Variants in XKR9 observed in about 807,000 individuals in gnomAD.
XKR9 encodes XK related 9.
A neutral mutation model predicts 32.0 loss-of-function variants in XKR9; 32 were observed. The observed-to-expected ratio is 1.00, with a 90% CI of 0.76 to 1.34. The LOEUF is 1.34. Ranked by LOEUF, XKR9 falls within the 40% of genes most tolerant of loss-of-function variation. XKR9 has a pLI of 0.00. For synonymous variants in XKR9, 168 were observed against 143.4 expected (o/e 1.17, Z -1.22); for missense variants, 546 against 429.7 (o/e 1.27, Z -2.39).
At chr8:70,907,622 G>A in the XKR9 span, among the ~76,000 whole-genome samples, 3 of 152,208 alleles carry the variant, frequency 2.0e-5, no homozygotes, top group African/African-American at 7.2e-5. Flanking sequence ...TTCCTGTGCA[G>A]TAAGAAATGG....
chr8:70,949,053 T>A, the XKR9 span, among the ~76,000 whole-genome samples: 1 of 152,160 alleles, frequency 6.6e-6, no homozygotes, highest in Non-Finnish European at 1.5e-5. Context: ...GACAAGCGAG[T>A]TGCCAGAATG....
rs142888558 is a variant in XKR9 at position 70,679,370 on chromosome 8, A to G, written c.-278-1411A>G. On this transcript the variant is annotated intron_variant, in intron 2 of 4. Coordinates refer to ENST00000408926, the MANE Select transcript of XKR9 (RefSeq NM_001011720.2). ...TTTTCTAGGGGTTTATATGTATTACATGTATTATCTTTCTTGACCTTCACA... is the reference window on the plus strand; with the variant it reads ...TTTTCTAGGGGTTTATATGTATTACGTGTATTATCTTTCTTGACCTTCACA... Among the ~76,000 whole-genome samples the G allele has an allele frequency of 2.0e-5, 3 of 152,330 alleles. No individual in the cohort carries two copies. In the East Asian group the frequency reaches 5.8e-4, roughly 29 times the overall value.
chr8:70,774,505 T>C (rs548527180), intron 2 of XKR9, among the ~76,000 whole-genome samples: 1 of 152,270 alleles, frequency 6.6e-6, no homozygotes, highest in Admixed American at 6.5e-5. Flanking sequence ...TTAAAGATTT[T>C]CTCCTTTGTT....
At chr8:70,755,081 C>A (rs970480204) in intron 2 of XKR9, among the ~76,000 whole-genome samples, 19 of 152,196 alleles carry the variant, frequency 1.2e-4, no homozygotes, top group South Asian at 8.3e-4. Flanking sequence ...AAAACAACCC[C>A]ATCAAAAAGT....
At chr8:70,907,984 GTA>G in the XKR9 span, among the ~76,000 whole-genome samples, 1 of 152,136 alleles carries the variant, frequency 6.6e-6, no homozygotes, top group African/African-American at 2.4e-5. Flanking sequence ...CAATTGTCTT[GTA>G]ATCTTATGCA....
the XKR9 span, among the ~76,000 whole-genome samples, chr8:71,024,652 T>C: frequency 6.6e-6 from 1 of 152,184 alleles, no homozygotes. Flanking sequence ...GTCAAGGGAC[T>C]CTCATGGCTA....
At chr8:71,009,163 C>T in the XKR9 span, among the ~76,000 whole-genome samples, 331 of 152,076 alleles carry the variant, frequency 2.2e-3, 2 homozygotes, top group African/African-American at 7.3e-3. Context: ...AAATAAGGTA[C>T]TGGGACTATG....
At chr8:70,762,922 C>T (rs556032614) in intron 2 of XKR9, among the ~76,000 whole-genome samples, 1 of 152,130 alleles carries the variant, frequency 6.6e-6, no homozygotes, top group African/African-American at 2.4e-5. Flanking sequence ...GTTATTCCTC[C>T]AACAAAATAT....
At chr8:71,034,098 T>A in the XKR9 span, among the ~76,000 whole-genome samples, 1 of 152,180 alleles carries the variant, frequency 6.6e-6, no homozygotes, top group Non-Finnish European at 1.5e-5. Flanking sequence ...CTTCTGAGGC[T>A]AGGTCATAAA....
At chr8:71,026,825 C>T in the XKR9 span, among the ~76,000 whole-genome samples, 1 of 152,134 alleles carries the variant, frequency 6.6e-6, no homozygotes, top group Non-Finnish European at 1.5e-5. Flanking sequence ...TGTTCAGAGG[C>T]ACTCTGATTT....
At chr8:71,060,961 CA>C in the XKR9 span, among the ~76,000 whole-genome samples, 8 of 152,240 alleles carry the variant, frequency 5.3e-5, no homozygotes, top group South Asian at 1.7e-3. Flanking sequence ...ACTAATCACC[CA>C]GCAAACATCT....
At chr8:70,799,770 A>G in the XKR9 span, among the ~76,000 whole-genome samples, 1 of 152,116 alleles carries the variant, frequency 6.6e-6, no homozygotes, top group Non-Finnish European at 1.5e-5. Context: ...GGATGAGACT[A>G]TGGGGTTTTC....
chr8:70,776,945 C>CTATATATATATATATA (rs1393735829), intron 2 of XKR9, among the ~76,000 whole-genome samples: 1 of 62,520 alleles, frequency 1.6e-5, no homozygotes, highest in African/African-American at 9.8e-5. Context: ...CTCTCTCTCT[C>CTATATATATATATATA]TCTATATATA....
chr8:71,036,255 G>A, the XKR9 span, among the ~76,000 whole-genome samples: 1 of 151,990 alleles, frequency 6.6e-6, no homozygotes, highest in African/African-American at 2.4e-5. Context: ...CCATATTAAT[G>A]ATTTGTGTTA....
the XKR9 span, among the ~76,000 whole-genome samples, chr8:71,026,743 CCT>C: frequency 1.3e-5 from 2 of 152,114 alleles, no homozygotes; most frequent in Admixed American, 6.6e-5. Flanking sequence ...GTGCAATCTG[CCT>C]CTCTCTTCTG....
At chr8:71,008,149 G>T in the XKR9 span, among the ~76,000 whole-genome samples, 1 of 152,050 alleles carries the variant, frequency 6.6e-6, no homozygotes, top group Non-Finnish European at 1.5e-5. Context: ...ATTTTTGGGG[G>T]TAAGGCTGTT....
intron 4 of XKR9, among the ~76,000 whole-genome samples, chr8:70,718,528 G>C (rs1017892456): frequency 5.3e-5 from 8 of 152,014 alleles, no homozygotes; most frequent in African/African-American, 1.9e-4. Flanking sequence ...GTGTCCATGT[G>C]TTCTCTTTGT....
At chr8:70,740,109 C>G (rs556603612), downstream of XKR9, among the ~76,000 whole-genome samples, 2 of 152,300 alleles carry the variant, frequency 1.3e-5, no homozygotes, top group East Asian at 3.9e-4. Context: ...GTACAGCAAT[C>G]AGATGTAGAT....
the XKR9 span, among the ~76,000 whole-genome samples, chr8:70,938,393 G>A: frequency 6.6e-6 from 1 of 151,898 alleles, no homozygotes; most frequent in African/African-American, 2.4e-5. Context: ...CATCTTTCAA[G>A]GTGGCCAGCC....
Sources: gnomAD v4.1 joint callset for allele counts (sites outside exome capture counted in the v4.1 genomes callset) on GRCh38, gnomAD v4.1.1 for gene constraint, MANE v1.5 for transcripts, NCBI Gene and HGNC (gene_info 2026-07-23, HGNC 2026-07-21) for gene names.